The following PEAK1 variants were observed in gnomAD, a reference collection of about 807,000 sequenced individuals.
The protein encoded by PEAK1 is pseudopodium enriched atypical kinase 1.
PEAK1 carries 54 observed loss-of-function variants against 124.7 expected under a neutral mutation model. The observed-to-expected ratio is 0.43, with a 90% CI of 0.35 to 0.54. The LOEUF is 0.54. PEAK1 is among the 20% of genes least tolerant of loss of function. The pLI, the probability that PEAK1 is intolerant of heterozygous loss-of-function variation, is 0.01. For missense variants in PEAK1, 2,046 were observed against 2,134.5 expected (o/e 0.96, Z 0.82); for synonymous variants, 719 against 760.0 (o/e 0.95, Z 0.89).
At chr15:77,115,868 A>G (rs1026910554) in intron 9 of PEAK1, among the ~76,000 whole-genome samples, 3 of 152,136 alleles carry the variant, frequency 2.0e-5, no homozygotes, top group Non-Finnish European at 4.4e-5. Context: ...GGGTTTTCCT[A>G]ACTTTTCAAT....
At chr15:77,397,743 A>C (rs746959697) in intron 1 of PEAK1, among the ~76,000 whole-genome samples, 99 of 152,208 alleles carry the variant, frequency 6.5e-4, no homozygotes, top group Admixed American at 7.2e-4. Flanking sequence ...AGAAACCCAA[A>C]ACCTGAACAG....
chr15:77,158,894 G>C (rs2055387789), intron 7 of PEAK1, among the ~76,000 whole-genome samples, 198 bp from the exon 8 acceptor site: 1 of 152,152 alleles, frequency 6.6e-6, no homozygotes, highest in South Asian at 2.1e-4. Context: ...AACCCAATTT[G>C]ATAGAGCAGG....
chr15:77,292,621 G>A (rs1443178297), intron 2 of PEAK1, among the ~76,000 whole-genome samples: 1 of 152,102 alleles, frequency 6.6e-6, no homozygotes, highest in Non-Finnish European at 1.5e-5. Context: ...AACTACAGCT[G>A]AGAATTTGCA....
chr15:77,179,541 G>C lies in PEAK1; in HGVS notation c.2386C>G (p.Leu796Val). 2 of 1,614,170 alleles carry C rather than the reference G, an allele frequency of 1.2e-6. No individual in the cohort carries two copies. Among genetic ancestry groups the C allele is most frequent in the Non-Finnish European group, 1.7e-6 (2 of 1,180,008 alleles). ...SGPKACSVEE[L>V]YAIPPDADVA... The stretch of plus-strand genomic sequence containing the variant: ...TCAGCATCTGGAGGAATGGCATAAA[G>C]CTCTTCCACACTGCAAGCTTTAGGG... The change falls in exon 7 of 10, where the codon CTT (leucine) becomes GTT (valine). Residue 796 changes from leucine to valine, a missense_variant. By Grantham distance (32) the Leu-to-Val change is conservative. Coordinates refer to ENST00000682557, the MANE Select transcript of PEAK1 (RefSeq NM_001385026.1).
rs541004180 is a variant in PEAK1, at chr15:77,115,618, G to A, written c.4078-299C>T. On this transcript the variant is annotated intron_variant, in intron 9 of 9. Transcript: ENST00000682557. ...AGAAAAAAAGCCCGGGGTTATGTGTGCAAACCTAAGTTTGTTTAATGCCAA... is the reference window on the plus strand; with the variant it reads ...AGAAAAAAAGCCCGGGGTTATGTGTACAAACCTAAGTTTGTTTAATGCCAA... 1.8e-4 allele frequency among the ~76,000 whole-genome samples: 26 copies of A among 142,784 alleles called. No individual in the cohort carries two copies. In the East Asian group the frequency reaches 3.9e-3, roughly 21 times the overall value. 93.7% of individuals were successfully genotyped at this position (142,784 alleles called of 152,430 possible).
At chr15:77,402,313 G>A (rs1379945839) in intron 1 of PEAK1, 1 of 985,278 alleles carries the variant, frequency 1.0e-6, no homozygotes, top group Non-Finnish European at 1.2e-6. Flanking sequence ...AGACATCGGG[G>A]AGAAAAGGAG....
chr15:77,327,428 G>A (rs2065643947), intron 2 of PEAK1, among the ~76,000 whole-genome samples: 1 of 151,868 alleles, frequency 6.6e-6, no homozygotes, highest in South Asian at 2.1e-4. Context: ...ACTCACACTT[G>A]GCACTAATGT....
At chr15:77,401,505 T>G in intron 1 of PEAK1, 16 of 967,964 alleles carry the variant, frequency 1.7e-5, no homozygotes, top group Non-Finnish European at 2.0e-5. Context: ...TTTAAGAGTA[T>G]AAGAAGAACA....
In PEAK1 at chr15:77,181,950, C is replaced by A. The variant is rs371309142; in HGVS notation, c.-24G>T. The A allele has an allele frequency of 1.3e-6, 2 of 1,526,320 alleles. No homozygotes were observed. The highest frequency in any genetic ancestry group is 2.8e-5 in the African/African-American group (2 of 72,048). 94.5% of individuals were successfully genotyped at this position (1,526,320 alleles called of 1,614,324 possible). A position where few individuals can be genotyped will look rare whatever the true frequency, so the allele number is the denominator to read the frequency against. On this transcript the variant is annotated 5_prime_UTR_variant, in exon 7 of 10. Transcript: ENST00000682557. ...ATTTTTAAAAATAGAACTTCACAGA[C>A]AATGCTTTTCTTTCAGTGCATGACA...
intron 5 of PEAK1, chr15:77,255,244 C>G: frequency 1.8e-6 from 1 of 542,980 alleles, no homozygotes; most frequent in South Asian, 8.1e-5. Context: ...TGATTTTAAA[C>G]CTATTAATTA....
At chr15:77,413,306 C>T (rs2072565693) in intron 1 of PEAK1, among the ~76,000 whole-genome samples, 2 of 152,150 alleles carry the variant, frequency 1.3e-5, no homozygotes, top group Non-Finnish European at 1.5e-5. Context: ...TAAGTGTGGG[C>T]TACACTTAGC....
chr15:77,247,364 T>G (rs919519157), intron 6 of PEAK1, among the ~76,000 whole-genome samples: 1 of 152,120 alleles, frequency 6.6e-6, no homozygotes, highest in South Asian at 2.1e-4. Flanking sequence ...CTGAGGAAAT[T>G]CCTTCAATTC....
chr15:77,381,443 T>C lies in PEAK1; in HGVS notation c.-665-16218A>G, dbSNP rs571076900. 5.2e-6 allele frequency: 5 copies of C among 952,612 alleles called. No individual in the cohort carries two copies. In the African/African-American group the frequency reaches 8.8e-5, roughly 17 times the overall value. 59.0% of individuals were successfully genotyped at this position (952,612 alleles called of 1,614,324 possible). On this transcript the variant is annotated intron_variant, in intron 1 of 9. Transcript: ENST00000682557. ...CCTGTCTCTTAAAAAAAATAATTTT[T>C]TCTTTAAAAGAATAAGGCAATGGCT...
At chr15:77,355,602 T>C (rs933955443) in intron 2 of PEAK1, among the ~76,000 whole-genome samples, 5 of 152,288 alleles carry the variant, frequency 3.3e-5, no homozygotes, top group Admixed American at 6.5e-5. Context: ...CAAGATTCTG[T>C]AGGACCCTTT....
At chr15:77,143,926 T>C (rs1404688508) in intron 8 of PEAK1, among the ~76,000 whole-genome samples, 1 of 152,234 alleles carries the variant, frequency 6.6e-6, no homozygotes, top group Non-Finnish European at 1.5e-5. Context: ...CATGAACCTA[T>C]TCTTACCTAT....
chr15:77,252,395 C>T lies in PEAK1; in HGVS notation c.-143G>A. The T allele has an allele frequency of 1.0e-6, 1 of 985,362 alleles. No individual in the cohort carries two copies. Among genetic ancestry groups the T allele is most frequent in the Non-Finnish European group, 1.2e-6 (1 of 829,900 alleles). The allele number at this position is 985,362 out of a possible 1,614,324, so 61.0% of individuals were successfully genotyped here. On this transcript the variant is annotated 5_prime_UTR_variant, in exon 6 of 10. Coordinates refer to ENST00000682557, the MANE Select transcript of PEAK1 (RefSeq NM_001385026.1). ...TTAAATCTGAAGCACTTCATTCATTCTGGTGACAAAGGTGGTTTTAGCAGC... is the reference window on the plus strand; with the variant it reads ...TTAAATCTGAAGCACTTCATTCATTTTGGTGACAAAGGTGGTTTTAGCAGC...
chr15:77,401,916 G>A (rs2071402132), intron 1 of PEAK1: 1 of 985,072 alleles, frequency 1.0e-6, no homozygotes, highest in Admixed American at 6.2e-5. Context: ...AAGAAAAGGA[G>A]GGCCAGGCGC....
chr15:77,418,187 A>G (rs2073046211), intron 1 of PEAK1: 1 of 985,288 alleles, frequency 1.0e-6, no homozygotes, highest in South Asian at 4.7e-5. Flanking sequence ...ATAATAGTTC[A>G]AAGTGATCTT....
chr15:77,313,708 A>ATGTGTGTGTG (rs1216011901), intron 2 of PEAK1, among the ~76,000 whole-genome samples: 1 of 93,774 alleles, frequency 1.1e-5, no homozygotes, highest in African/African-American at 4.2e-5. Flanking sequence ...ATATATATGT[A>ATGTGTGTGTG]TGTGTGTGTG....
Sources: allele counts gnomAD v4.1 joint callset (sites outside exome capture counted in the v4.1 genomes callset), GRCh38; gene constraint gnomAD v4.1.1; transcripts MANE v1.5; gene names NCBI Gene and HGNC (gene_info 2026-07-23, HGNC 2026-07-21).